The following KPNA7 variants were observed in gnomAD, a reference collection of about 807,000 sequenced individuals.
KPNA7 encodes the protein karyopherin subunit alpha 7.
A neutral mutation model predicts 53.7 loss-of-function variants in KPNA7; 54 were observed. That is an observed-to-expected ratio of 1.01 (90% CI 0.81 to 1.26). The LOEUF (loss-of-function observed/expected upper bound fraction) is 1.26, where lower values mean the gene tolerates loss of function less well. Ranked by LOEUF, KPNA7 falls within the 50% of genes most tolerant of loss-of-function variation. The pLI, the probability that KPNA7 is intolerant of heterozygous loss-of-function variation, is 0.00. For synonymous variants in KPNA7, 276 were observed against 259.3 expected, an observed-to-expected ratio of 1.06 and a Z score of -0.62; for missense variants, 640 against 644.5, an observed-to-expected ratio of 0.99 and a Z score of 0.07.
the KPNA7 span, among the ~76,000 whole-genome samples, chr7:99,150,269 T>C: frequency 8.5e-5 from 13 of 152,086 alleles, no homozygotes; most frequent in Admixed American, 2.0e-4. Context: ...CTAATTTTTA[T>C]ATTTTTAGTA....
At chr7:99,213,656 G>A (rs1323831796) in intron 1 of KPNA7, among the ~76,000 whole-genome samples, 2 of 151,894 alleles carry the variant, frequency 1.3e-5, no homozygotes, top group Non-Finnish European at 2.9e-5. Flanking sequence ...TGTCACCCAG[G>A]TTGGGGTGCA....
At chr7:99,198,557 C>T (rs1276180817) in intron 3 of KPNA7, among the ~76,000 whole-genome samples, 2 of 151,858 alleles carry the variant, frequency 1.3e-5, no homozygotes, top group East Asian at 1.9e-4. Context: ...GCAGAAAAAA[C>T]ATTTAATGAA....
At chr7:99,170,214 CACACCAAACTA>C (rs1259834522), downstream of KPNA7, among the ~76,000 whole-genome samples, 1 of 152,096 alleles carries the variant, frequency 6.6e-6, no homozygotes, top group African/African-American at 2.4e-5. Flanking sequence ...TTGCCATAGG[CACACCAAACTA>C]ACAACAAACA....
At chr7:99,182,520 A>C (rs1246589592) in intron 8 of KPNA7, among the ~76,000 whole-genome samples, 1 of 152,084 alleles carries the variant, frequency 6.6e-6, no homozygotes, top group African/African-American at 2.4e-5. Flanking sequence ...TTTTTAGTAC[A>C]GACAGGGTTT....
chr7:99,164,658 A>C, the KPNA7 span, among the ~76,000 whole-genome samples: 1 of 152,252 alleles, frequency 6.6e-6, no homozygotes, highest in Non-Finnish European at 1.5e-5. Flanking sequence ...TTCTCGAAAG[A>C]GTATGGGAGA....
At chr7:99,163,313 TATATA>T in the KPNA7 span, among the ~76,000 whole-genome samples, 1,651 of 145,894 alleles carry the variant, frequency 0.011, 33 homozygotes, top group African/African-American at 0.04. Context: ...AATATATTTA[TATATA>T]ATATACATAT....
rs1031594222 is a variant in KPNA7 at position 99,193,136 on chromosome 7, G to A, written c.554-35C>T. 1.4e-5 allele frequency: 18 copies of A among 1,316,458 alleles called. No homozygotes were observed. The Admixed American group carries it at 3.7e-4, about 27-fold the overall frequency. The allele number at this position is 1,316,458 out of a possible 1,614,324, so 81.5% of individuals were successfully genotyped here. A position where few individuals can be genotyped will look rare whatever the true frequency, so the allele number is the denominator to read the frequency against. ...GAGCAGAATGTGACATTTAGAGAGA[G>A]AACAAAGACAATCCTGAAGTGGGTG... is the stretch of plus-strand genomic sequence containing the variant. On this transcript the variant is annotated intron_variant, in intron 5 of 10. Coordinates refer to ENST00000327442, the MANE Select transcript of KPNA7 (RefSeq NM_001145715.3).
intron 3 of KPNA7, among the ~76,000 whole-genome samples, chr7:99,196,413 G>A (rs541083330): frequency 1.1e-4 from 16 of 152,214 alleles, no homozygotes; most frequent in African/African-American, 2.9e-4. Context: ...TTTTTATCCC[G>A]TGCAGTAAGA....
chr7:99,192,415 AT>A (rs1181876853), intron 6 of KPNA7, among the ~76,000 whole-genome samples: 24 of 152,158 alleles, frequency 1.6e-4, no homozygotes, highest in African/African-American at 5.8e-4. Context: ...AAGCCTTGCT[AT>A]TATTAGTTTA....
At chr7:99,212,039 G>T (rs1791084599), upstream of KPNA7, among the ~76,000 whole-genome samples, 1 of 152,066 alleles carries the variant, frequency 6.6e-6, no homozygotes, top group Non-Finnish European at 1.5e-5. Flanking sequence ...TGCCCAGGGA[G>T]CCCTCACACA....
chr7:99,213,455 AAAG>A (rs1422087247), intron 1 of KPNA7, among the ~76,000 whole-genome samples: 3 of 138,054 alleles, frequency 2.2e-5, no homozygotes, highest in East Asian at 2.0e-4. Flanking sequence ...AAAAAAAAAA[AAAG>A]AGAGAGAGAC....
intron 3 of KPNA7, among the ~76,000 whole-genome samples, chr7:99,202,626 C>A (rs559161501): frequency 6.6e-6 from 1 of 152,164 alleles, no homozygotes; most frequent in East Asian, 1.9e-4. Context: ...AGGCAGGTCA[C>A]CTGAGTCCAG....
chr7:99,197,133 C>G (rs1258805220), intron 3 of KPNA7, among the ~76,000 whole-genome samples: 1 of 152,174 alleles, frequency 6.6e-6, no homozygotes. Flanking sequence ...TCAGAATTGT[C>G]AACTGCCTGG....
the KPNA7 span, among the ~76,000 whole-genome samples, chr7:99,146,242 C>T: frequency 1.1e-4 from 16 of 152,120 alleles, no homozygotes; most frequent in African/African-American, 2.2e-4. Flanking sequence ...TTTTTCTCCC[C>T]GCCCCGACGG....
chr7:99,175,688 A>G (rs1007254576), intron 10 of KPNA7, among the ~76,000 whole-genome samples: 1 of 151,170 alleles, frequency 6.6e-6, no homozygotes, highest in Admixed American at 6.6e-5. Context: ...CTAATTTTGT[A>G]TTTTTAGTAG....
At chr7:99,172,712 G>T (rs147248307), downstream of KPNA7, among the ~76,000 whole-genome samples, 3 of 152,154 alleles carry the variant, frequency 2.0e-5, no homozygotes, top group East Asian at 5.8e-4. Context: ...AGGAAAGAAG[G>T]CCAGTAACAC....
At chr7:99,186,894 A>G (rs562098933) in intron 7 of KPNA7, among the ~76,000 whole-genome samples, 1 of 152,336 alleles carries the variant, frequency 6.6e-6, no homozygotes, top group South Asian at 2.1e-4. Flanking sequence ...AATATTAGGT[A>G]AAATATTAAG....
chr7:99,213,374 G>C (rs183411886), intron 1 of KPNA7, among the ~76,000 whole-genome samples: 1 of 141,170 alleles, frequency 7.1e-6, no homozygotes, highest in African/African-American at 2.6e-5. Flanking sequence ...ATGATCCACC[G>C]TCTTGGCCTC....
intron 6 of KPNA7, among the ~76,000 whole-genome samples, chr7:99,189,620 G>C (rs1165903499): frequency 6.6e-6 from 1 of 151,894 alleles, no homozygotes; most frequent in East Asian, 1.9e-4. Flanking sequence ...CCAATTGTTG[G>C]GGTTTTTTGT....
Sources: allele counts gnomAD v4.1 joint callset (sites outside exome capture counted in the v4.1 genomes callset), GRCh38; gene constraint gnomAD v4.1.1; transcripts MANE v1.5; gene names NCBI Gene and HGNC (gene_info 2026-07-23, HGNC 2026-07-21).